Variants in TC2N observed in about 807,000 individuals in gnomAD.
TC2N encodes the protein tandem C2 domains, nuclear.
In TC2N, 51 loss-of-function variants were observed where a neutral mutation model predicts 61.9. That is an observed-to-expected ratio of 0.82 (90% CI 0.66 to 1.04). The LOEUF is 1.04. Ranked by LOEUF, TC2N falls within the 50% of genes least tolerant of loss-of-function variation. The probability of loss-of-function intolerance (pLI) is 0.00; values close to 1 mark genes in which losing one functional copy is unlikely to be tolerated. For synonymous variants in TC2N, 204 were observed against 192.6 expected, an observed-to-expected ratio of 1.06 and a Z score of -0.49; for missense variants, 556 against 566.7, an observed-to-expected ratio of 0.98 and a Z score of 0.19.
chr14:91,822,164 A>C (rs963086158), intron 1 of TC2N, among the ~76,000 whole-genome samples: 1 of 152,198 alleles, frequency 6.6e-6, no homozygotes, highest in Non-Finnish European at 1.5e-5. Context: ...CTTAAGAAAA[A>C]AGCAATCACA....
At chr14:91,841,356 C>G (rs1193497196) in intron 1 of TC2N, among the ~76,000 whole-genome samples, 1 of 152,182 alleles carries the variant, frequency 6.6e-6, no homozygotes, top group Non-Finnish European at 1.5e-5. Flanking sequence ...CATCAGCTTG[C>G]TTAAGTTGGA....
intron 1 of TC2N, among the ~76,000 whole-genome samples, chr14:91,819,784 A>C (rs1723450741): frequency 6.6e-6 from 1 of 152,192 alleles, no homozygotes; most frequent in Non-Finnish European, 1.5e-5. Context: ...AATAAAAGTA[A>C]AAATGTAAAT....
At chr14:91,853,049 C>T (rs561179376) in intron 1 of TC2N, among the ~76,000 whole-genome samples, 6 of 152,004 alleles carry the variant, frequency 3.9e-5, no homozygotes, top group South Asian at 2.1e-4. Flanking sequence ...CCAGCCTGGG[C>T]GACAGAGAGA....
chr14:91,853,670 ACACAC>A (rs1888422377), intron 1 of TC2N, among the ~76,000 whole-genome samples: 1 of 43,486 alleles, frequency 2.3e-5, no homozygotes, highest in Non-Finnish European at 4.9e-5. Context: ...ACACACACAC[ACACAC>A]ACACACACAC....
intron 1 of TC2N, among the ~76,000 whole-genome samples, chr14:91,834,688 A>C (rs1887929804): frequency 1.3e-5 from 2 of 152,138 alleles, no homozygotes; most frequent in South Asian, 4.1e-4. Flanking sequence ...ATAGGCACGT[A>C]ATCAGTTCTT....
In TC2N at chr14:91,812,537, C is replaced by A; in HGVS notation, c.76G>T (p.Glu26Ter). The change falls in exon 3 of 12, where the codon GAA becomes TAA. Residue 26 changes from glutamate to a stop codon, truncating the protein, a stop_gained. Coordinates refer to ENST00000435962, the MANE Select transcript of TC2N (RefSeq NM_001128596.3). LOFTEE classifies it high-confidence loss of function. ...GGGACTGCTGCTTTAAAATCTCTTT[C>A]CACAGAAACTGCATATAAAAGAAAA... ...GETEKHNFSV[E>*]RDFKAAVPNS... The A allele has an allele frequency of 6.4e-7, 1 of 1,554,020 alleles. No individual in the cohort carries two copies. Among genetic ancestry groups the A allele is most frequent in the Non-Finnish European group, 8.8e-7 (1 of 1,134,564 alleles).
Position 91,857,742 on chromosome 14 carries a change from C to T in TC2N, c.-57+9520G>A, listed in dbSNP as rs34730175. On this transcript the variant is annotated intron_variant, in intron 1 of 11. Transcript: ENST00000435962. ...GGCAACAGATTCGCACTATGATGTA[C>T]AGTCGCCTGAACCACAACAAAATTC... Among the ~76,000 whole-genome samples the T allele has an allele frequency of 3.4e-3, 522 of 152,280 alleles. 2 individuals carry two copies. The highest frequency in any genetic ancestry group is 5.5e-3 in the Non-Finnish European group (373 of 68,028).
At chr14:91,821,191 A>G (rs1048005741) in intron 1 of TC2N, among the ~76,000 whole-genome samples, 1 of 152,072 alleles carries the variant, frequency 6.6e-6, no homozygotes, top group Non-Finnish European at 1.5e-5. Flanking sequence ...GGAAAAAAAA[A>G]GAACAAAGTG....
At chr14:91,805,522 G>A (rs1055420443) in intron 3 of TC2N, among the ~76,000 whole-genome samples, 10 of 152,130 alleles carry the variant, frequency 6.6e-5, no homozygotes, top group African/African-American at 2.4e-4. Context: ...CAAATTAGCT[G>A]TGTGTGGTGG....
chr14:91,781,326 T>G lies in TC2N; in HGVS notation c.*1774A>C, dbSNP rs914340807. ...ACTATATTATAATGATGCATACATA[T>G]CATCATATATTTGTCCTCTAGCATG... On this transcript the variant is annotated 3_prime_UTR_variant, in exon 12 of 12. Transcript: ENST00000435962. The G allele has an allele frequency of 3.9e-5, 6 of 152,158 alleles. No individual in the cohort carries two copies. The highest frequency in any genetic ancestry group is 5.9e-5 in the Non-Finnish European group (4 of 67,986). 9.4% of individuals were successfully genotyped at this position (152,158 alleles called of 1,614,324 possible). A position where few individuals can be genotyped will look rare whatever the true frequency, so the allele number is the denominator to read the frequency against.
Position 91,783,004 on chromosome 14 carries a change from A to G in TC2N, c.*96T>C, listed in dbSNP as rs1192339821. The stretch of plus-strand genomic sequence containing the variant: ...TAATTATAGCCCCCATAAATTGACA[A>G]ATTTGTTGATTTGCCTCTTCTCATT... On this transcript the variant is annotated 3_prime_UTR_variant, in exon 12 of 12. Coordinates refer to ENST00000435962, the MANE Select transcript of TC2N (RefSeq NM_001128596.3). 3 of 753,774 alleles carry G rather than the reference A, an allele frequency of 4.0e-6. No individual in the cohort carries two copies. The highest frequency in any genetic ancestry group is 2.6e-5 in the East Asian group (1 of 38,874). 46.7% of individuals were successfully genotyped at this position (753,774 alleles called of 1,614,324 possible).
At chr14:91,849,898 A>C (rs2139917135) in intron 1 of TC2N, among the ~76,000 whole-genome samples, 1 of 152,192 alleles carries the variant, frequency 6.6e-6, no homozygotes, top group East Asian at 1.9e-4. Context: ...AAGTACAAAA[A>C]ATTAGCTGGG....
At chr14:91,842,276 C>T (rs191167998) in intron 1 of TC2N, among the ~76,000 whole-genome samples, 38 of 151,936 alleles carry the variant, frequency 2.5e-4, no homozygotes, top group Non-Finnish European at 3.7e-4. Context: ...TGAGCCTCCA[C>T]GCCTGACCTC....
At chr14:91,836,008 C>T (rs1023138048) in intron 1 of TC2N, among the ~76,000 whole-genome samples, 5 of 152,172 alleles carry the variant, frequency 3.3e-5, no homozygotes, top group African/African-American at 1.2e-4. Flanking sequence ...CTCGCCCCGT[C>T]GCCCACCCCT....
In TC2N at chr14:91,792,561, T is replaced by TAAA; in HGVS notation, c.856-6_856-4dup. ...AACGTTTCCATAAATTCAATAGCCT[T>TAAA]AAAAAAAAAACAAGAAAACATAAAA... On this transcript the variant is annotated splice_region_variant and splice_polypyrimidine_tract_variant and intron_variant, in intron 8 of 11. Transcript: ENST00000435962. The TAAA allele has an allele frequency of 7.1e-6, 9 of 1,269,156 alleles. No homozygotes were observed. The highest frequency in any genetic ancestry group is 4.9e-5 in the South Asian group (3 of 61,262). The allele number at this position is 1,269,156 out of a possible 1,614,324, so 78.6% of individuals were successfully genotyped here. A position where few individuals can be genotyped will look rare whatever the true frequency, so the allele number is the denominator to read the frequency against.
At chr14:91,864,813 G>A (rs148753173) in intron 1 of TC2N, among the ~76,000 whole-genome samples, 77 of 115,720 alleles carry the variant, frequency 6.7e-4, no homozygotes, top group African/African-American at 2.4e-3. Flanking sequence ...ACAGACTCTC[G>A]CTCTGTTGCC....
chr14:91,794,785 T>C (rs989674501), intron 8 of TC2N, among the ~76,000 whole-genome samples: 1 of 152,180 alleles, frequency 6.6e-6, no homozygotes, highest in Non-Finnish European at 1.5e-5. Context: ...CCATTCTGCA[T>C]CCCATGGATC....
At chr14:91,820,421 C>T (rs993258046) in intron 1 of TC2N, among the ~76,000 whole-genome samples, 2 of 151,562 alleles carry the variant, frequency 1.3e-5, no homozygotes, top group South Asian at 2.1e-4. Context: ...ATCCAATATT[C>T]GTGATAAAAA....
intron 3 of TC2N, among the ~76,000 whole-genome samples, chr14:91,805,281 T>C (rs911336750): frequency 6.1e-4 from 93 of 152,286 alleles, no homozygotes; most frequent in African/African-American, 2.1e-3. Flanking sequence ...GAAAAAAGCT[T>C]ATAGAGTAAG....
Sources: gnomAD v4.1 joint callset for allele counts (sites outside exome capture counted in the v4.1 genomes callset) on GRCh38, gnomAD v4.1.1 for gene constraint, MANE v1.5 for transcripts, NCBI Gene and HGNC (gene_info 2026-07-23, HGNC 2026-07-21) for gene names.